EML6: variants seen among roughly 807,000 people sequenced by gnomAD.
The protein encoded by EML6 is echinoderm microtubule-associated protein-like 6.
In EML6, 154 loss-of-function variants were observed where a neutral mutation model predicts 240.1. That is an observed-to-expected ratio of 0.64 (90% CI 0.56 to 0.73). EML6 has a LOEUF of 0.73. Among genes scored for constraint, EML6 ranks in the 30% least tolerant of loss-of-function variants. The pLI is 0.00. For missense variants in EML6, 2,964 were observed against 2,474.6 expected (o/e 1.20, Z -4.20); for synonymous variants, 1,148 against 899.0 (o/e 1.28, Z -4.95).
intron 20 of EML6, 106 bp downstream of exon 20, chr2:54,895,132 C>A: frequency 7.6e-7 from 1 of 1,307,780 alleles, no homozygotes; most frequent in Non-Finnish European, 1.1e-6. Flanking sequence ...CTCCCTCTTC[C>A]ATGTTTAGAA....
intron 2 of EML6, among the ~76,000 whole-genome samples, chr2:54,755,372 T>C (rs1572860641): frequency 6.6e-6 from 1 of 152,228 alleles, no homozygotes; most frequent in East Asian, 1.9e-4. Context: ...AGTTTTAGAA[T>C]TGATCTGTCA....
intron 2 of EML6, among the ~76,000 whole-genome samples, chr2:54,781,658 AAT>A (rs1412774581): frequency 6.6e-6 from 1 of 152,064 alleles, no homozygotes; most frequent in Non-Finnish European, 1.5e-5. Context: ...AGTATAAATA[AAT>A]ATATATATGT....
At chr2:54,920,770 ACAAAC>A (rs1241947310) in intron 26 of EML6, among the ~76,000 whole-genome samples, 9 of 152,166 alleles carry the variant, frequency 5.9e-5, no homozygotes, top group Non-Finnish European at 1.0e-4. Flanking sequence ...ACAAAATACT[ACAAAC>A]CAAATTCAAC....
chr2:54,910,361 T>C (rs934167879), intron 24 of EML6, among the ~76,000 whole-genome samples: 1 of 152,232 alleles, frequency 6.6e-6, no homozygotes, highest in Non-Finnish European at 1.5e-5. Flanking sequence ...TAATTGTACA[T>C]CAGACTGAAA....
At chr2:54,884,113 C>T (rs1301661521) in intron 17 of EML6, among the ~76,000 whole-genome samples, 1 of 152,146 alleles carries the variant, frequency 6.6e-6, no homozygotes, top group East Asian at 1.9e-4. Context: ...GCCTCAGATG[C>T]CACAGGTTGA....
At chr2:54,895,707 G>A (rs1672726803) in intron 21 of EML6, among the ~76,000 whole-genome samples, 1 of 152,214 alleles carries the variant, frequency 6.6e-6, no homozygotes, top group South Asian at 2.1e-4. Context: ...GCTAAACTGG[G>A]GAAGATTTTT....
intron 15 of EML6, among the ~76,000 whole-genome samples, chr2:54,870,619 C>G (rs56386746): frequency 0.052 from 7,921 of 152,032 alleles, 308 homozygotes; most frequent in East Asian, 0.22. Context: ...TATTTTTTGT[C>G]TGTCTTATAA....
Position 54,764,465 on chromosome 2 carries a change from C to G in EML6, c.197+39207C>G, listed in dbSNP as rs369693035. ...CTATTGCTCGTGAAACCTGGGGGCA[C>G]TCCACTTGTATAAGGAATTTGAGGT... On this transcript the variant is annotated intron_variant, in intron 2 of 41. Coordinates refer to ENST00000356458, the MANE Select transcript of EML6 (RefSeq NM_001039753.4). Among the ~76,000 whole-genome samples, 25 of 152,184 alleles carry G rather than the reference C, an allele frequency of 1.6e-4. No homozygotes were observed. The East Asian group carries it at 2.9e-3, about 18-fold the overall frequency.
intron 26 of EML6, among the ~76,000 whole-genome samples, chr2:54,921,176 A>G (rs1419186158): frequency 6.6e-6 from 1 of 152,092 alleles, no homozygotes; most frequent in Non-Finnish European, 1.5e-5. Flanking sequence ...AATTATCTCT[A>G]TTTATGTACA....
chr2:54,942,099 T>G (rs1675460488), intron 28 of EML6, among the ~76,000 whole-genome samples: 3 of 152,238 alleles, frequency 2.0e-5, no homozygotes, highest in Non-Finnish European at 2.9e-5. Context: ...TTTTCTGTAT[T>G]GGTTTGAAGC....
chr2:54,816,958 C>A, intron 4 of EML6, 73 bp downstream of exon 4: 1 of 899,768 alleles, frequency 1.1e-6, no homozygotes, highest in Non-Finnish European at 1.8e-6. Context: ...TCTCAGACTT[C>A]TAATGTTTTT....
At chr2:54,782,324 T>C (rs1423575549) in intron 2 of EML6, among the ~76,000 whole-genome samples, 1 of 152,192 alleles carries the variant, frequency 6.6e-6, no homozygotes, top group Non-Finnish European at 1.5e-5. Context: ...AAATATTATT[T>C]TGGGTTTTTA....
intron 17 of EML6, chr2:54,882,871 A>AAAAAAAAAAAAAAAAAAAAAG (rs962733331): frequency 1.4e-4 from 18 of 128,828 alleles, no homozygotes; most frequent in African/African-American, 2.7e-4. Context: ...AAAAAAAAAA[A>AAAAAAAAAAAAAAAAAAAAAG]AAAGAAAGCT....
chr2:54,917,070 A>C, intron 26 of EML6, 135 bp downstream of exon 26: 1 of 630,616 alleles, frequency 1.6e-6, no homozygotes. Flanking sequence ...CTGTATAAAA[A>C]CCTCCCTGAC....
intron 28 of EML6, among the ~76,000 whole-genome samples, chr2:54,931,930 A>T (rs1055027314): frequency 1.3e-5 from 2 of 152,236 alleles, no homozygotes; most frequent in African/African-American, 4.8e-5. Context: ...TGCATCAATT[A>T]CTTTTGAAGC....
At chr2:54,743,870 A>C (rs952250570) in intron 2 of EML6, among the ~76,000 whole-genome samples, 18 of 152,160 alleles carry the variant, frequency 1.2e-4, no homozygotes, top group African/African-American at 7.2e-5. Flanking sequence ...TACTCCCCCA[A>C]ATCATCTTGC....
chr2:54,815,518 T>G (rs1209703958), intron 3 of EML6, among the ~76,000 whole-genome samples: 1 of 152,204 alleles, frequency 6.6e-6, no homozygotes, highest in African/African-American at 2.4e-5. Context: ...AAATGTGGGT[T>G]TTACTTCAGT....
At chr2:54,812,440 A>C (rs961263098) in intron 2 of EML6, among the ~76,000 whole-genome samples, 1 of 152,162 alleles carries the variant, frequency 6.6e-6, no homozygotes, top group Non-Finnish European at 1.5e-5. Context: ...CTAGTTTGCT[A>C]TATAGGTAAT....
At chr2:54,898,449 CTG>C (rs955736582) in intron 21 of EML6, among the ~76,000 whole-genome samples, 2 of 152,124 alleles carry the variant, frequency 1.3e-5, no homozygotes, top group African/African-American at 4.8e-5. Flanking sequence ...GACTGTGACT[CTG>C]GGGCTGGGAG....
Sources: gnomAD v4.1 joint callset for allele counts (sites outside exome capture counted in the v4.1 genomes callset) on GRCh38, gnomAD v4.1.1 for gene constraint, MANE v1.5 for transcripts, NCBI Gene and HGNC (gene_info 2026-07-23, HGNC 2026-07-21) for gene names.